Variants in ITFG2 observed in about 807,000 individuals in gnomAD.
The protein encoded by ITFG2 is integrin alpha FG-GAP repeat containing 2, also known as KICSTOR complex protein ITFG2.
A neutral mutation model predicts 54.4 loss-of-function variants in ITFG2; 36 were observed. That is an observed-to-expected ratio of 0.66 (90% CI 0.51 to 0.87). ITFG2 has a LOEUF of 0.87. Among genes scored for constraint, ITFG2 ranks in the 40% least tolerant of loss-of-function variants. The pLI, the probability that ITFG2 is intolerant of heterozygous loss-of-function variation, is 0.00. For missense variants in ITFG2, 524 were observed against 576.7 expected (o/e 0.91, Z 0.94); for synonymous variants, 211 against 225.4 (o/e 0.94, Z 0.57).
Position 2,821,616 on chromosome 12 carries a change from G to A in ITFG2, c.847+20G>A, listed in dbSNP as rs1452802539. On this transcript the variant is annotated intron_variant, in intron 8 of 11. Transcript: ENST00000228799. ...TGGATGGTGAGCAATGCTAGGATGG[G>A]GTGTGGGGGCTGTATGCCTGTAGGG... 3 of 1,614,072 alleles carry A rather than the reference G, an allele frequency of 1.9e-6. No homozygotes were observed. Among genetic ancestry groups the A allele is most frequent in the South Asian group, 1.1e-5 (1 of 91,082 alleles).
chr12:2,847,875 A>G (rs977018876), intron 2 of ITFG2, among the ~76,000 whole-genome samples: 2 of 152,184 alleles, frequency 1.3e-5, no homozygotes, highest in Non-Finnish European at 2.9e-5. Flanking sequence ...ACACTGTAGC[A>G]TCTATCAATA....
chr12:2,839,956 C>T (rs1222088759), intron 1 of ITFG2, among the ~76,000 whole-genome samples: 1 of 152,010 alleles, frequency 6.6e-6, no homozygotes, highest in South Asian at 2.1e-4. Context: ...ACTCCAAAAG[C>T]GAGGAAGGAA....
chr12:2,821,406 A>C (rs965389302), intron 7 of ITFG2, 47 bp downstream of exon 7: 14 of 1,566,072 alleles, frequency 8.9e-6, no homozygotes, highest in African/African-American at 2.7e-5. Flanking sequence ...GGTAGCCGTC[A>C]GTTCTGGAGG....
chr12:2,840,448 T>C (rs1350956495), intron 1 of ITFG2, among the ~76,000 whole-genome samples: 1 of 140,272 alleles, frequency 7.1e-6, no homozygotes, highest in African/African-American at 2.9e-5. Flanking sequence ...AGAGCGAGAC[T>C]CTGTCTCAAA....
At chr12:2,832,689 C>T (rs1053581577), upstream of ITFG2, among the ~76,000 whole-genome samples, 3 of 150,598 alleles carry the variant, frequency 2.0e-5, no homozygotes, top group African/African-American at 7.4e-5. Flanking sequence ...CCCCATTAGC[C>T]TGGAGAGCGC....
chr12:2,856,498 T>C (rs1342962780), intron 2 of ITFG2, among the ~76,000 whole-genome samples: 2 of 152,162 alleles, frequency 1.3e-5, no homozygotes, highest in African/African-American at 4.8e-5. Flanking sequence ...CCTGAGTAGC[T>C]GGGATTACAG....
chr12:2,822,047 C>T (rs1163509676), intron 9 of ITFG2, among the ~76,000 whole-genome samples: 2 of 151,912 alleles, frequency 1.3e-5, no homozygotes, highest in Non-Finnish European at 2.9e-5. Flanking sequence ...GTCACCTCAG[C>T]CTCCTGAGAA....
chr12:2,817,105 A>G, intron 1 of ITFG2, 118 bp from the exon 2 acceptor site: 1 of 643,940 alleles, frequency 1.6e-6, no homozygotes, highest in Non-Finnish European at 2.8e-6. Flanking sequence ...CTTTTAATAA[A>G]GTAGATGAAG....
At chr12:2,830,349 C>T (rs182951405) in intron 2 of ITFG2, 1 of 174,682 alleles carries the variant, frequency 5.7e-6, no homozygotes, top group Admixed American at 6.3e-5. Context: ...TAAGTGGTTC[C>T]AGAGATTACA....
intron 2 of ITFG2, among the ~76,000 whole-genome samples, chr12:2,853,353 A>G (rs939198627): frequency 4.6e-5 from 7 of 151,738 alleles, no homozygotes; most frequent in African/African-American, 1.7e-4. Context: ...GCTCACTGCA[A>G]CCTCCACCTC....
chr12:2,850,475 CAAA>C (rs1275655927), intron 2 of ITFG2, among the ~76,000 whole-genome samples: 2 of 70,658 alleles, frequency 2.8e-5, no homozygotes, highest in Non-Finnish European at 5.8e-5. Flanking sequence ...GACTCTGTCT[CAAA>C]AAAAAAAAAA....
At chr12:2,820,660 CGTT>C in intron 5 of ITFG2, 61 bp from the exon 6 acceptor site, 3 of 1,227,974 alleles carry the variant, frequency 2.4e-6, no homozygotes, top group South Asian at 2.6e-5. Flanking sequence ...CGCCCCCTGC[CGTT>C]CTCTGCAGGG....
chr12:2,853,270 C>T (rs1229805823), intron 2 of ITFG2, among the ~76,000 whole-genome samples: 3 of 151,978 alleles, frequency 2.0e-5, no homozygotes, highest in Admixed American at 6.6e-5. Flanking sequence ...AGTCACCAAC[C>T]TTTGGTTTTT....
rs1408449282 is a variant in ITFG2, at chr12:2,853,611, TTG to T, written n.301-4399_301-4398del. Among the ~76,000 whole-genome samples the T allele has an allele frequency of 8.2e-3, 1,192 of 146,114 alleles. 12 individuals are homozygous for T. Among genetic ancestry groups the T allele is most frequent in the African/African-American group, 0.028 (1,116 of 40,256 alleles). ...GTTGTTGTTGTTTTTGTTTTTGTTT[TTG>T]TTTTTTTTTCAGATTAAAAATCTTC... On this transcript the variant is annotated intron_variant and non_coding_transcript_variant, in intron 2 of 3. Transcript: ENST00000537710.
chr12:2,854,302 G>C (rs1336861527), intron 2 of ITFG2, among the ~76,000 whole-genome samples: 4 of 152,246 alleles, frequency 2.6e-5, no homozygotes, highest in Admixed American at 2.0e-4. Flanking sequence ...TGGGATTACA[G>C]GCGTGAGCCA....
downstream of ITFG2, chr12:2,827,375 C>T: frequency 6.5e-7 from 1 of 1,543,214 alleles, no homozygotes. This position sits in a 1 kb window ranked among gnomAD's most constrained non-coding sequence, Gnocchi z 4.0. Context: ...TTTGTTCCCC[C>T]TCCCACTTCC....
chr12:2,856,829 A>G, intron 2 of ITFG2: 1 of 653,078 alleles, frequency 1.5e-6, no homozygotes, highest in Non-Finnish European at 2.8e-6. Flanking sequence ...TGAAAAGGGG[A>G]AGACAGCAGA....
intron 4 of ITFG2, among the ~76,000 whole-genome samples, chr12:2,819,376 G>A (rs1341752701): frequency 6.6e-6 from 1 of 152,058 alleles, no homozygotes; most frequent in Non-Finnish European, 1.5e-5. Flanking sequence ...GCTGAGGCAG[G>A]AGAATGGCAT....
At chr12:2,827,571 C>T, downstream of ITFG2, 5 of 1,613,230 alleles carry the variant, frequency 3.1e-6, no homozygotes, top group East Asian at 2.2e-5. This position sits in a 1 kb window ranked among gnomAD's most constrained non-coding sequence, Gnocchi z 4.0. Flanking sequence ...CACACCTGTG[C>T]CTTCTACTAC....
Sources: allele counts gnomAD v4.1 joint callset (sites outside exome capture counted in the v4.1 genomes callset), GRCh38; gene constraint gnomAD v4.1.1; non-coding constraint Gnocchi (gnomAD v3.1); transcripts MANE v1.5; gene names NCBI Gene and HGNC (gene_info 2026-07-23, HGNC 2026-07-21).